Variants in SUSD5 observed in about 807,000 individuals in gnomAD.
The protein encoded by SUSD5 is sushi domain-containing protein 5.
A neutral mutation model predicts 29.5 loss-of-function variants in SUSD5; 33 were observed. That is an observed-to-expected ratio of 1.12 (90% CI 0.85 to 1.49). SUSD5 has a LOEUF of 1.49. Ranked by LOEUF, SUSD5 falls within the 40% of genes most tolerant of loss-of-function variation. The pLI, the probability that SUSD5 is intolerant of heterozygous loss-of-function variation, is 0.00. For missense variants in SUSD5, 776 were observed against 800.6 expected, an observed-to-expected ratio of 0.97 and a Z score of 0.37; for synonymous variants, 308 against 325.3, an observed-to-expected ratio of 0.95 and a Z score of 0.57.
Position 33,214,060 on chromosome 3 carries a change from T to C in SUSD5, c.158A>G (p.Gln53Arg), listed in dbSNP as rs1419651394. ...LESQNGSQGL[Q>R]LEAARLSCKS... ...GCAGGAAAGCCGAGCAGCCTCCAGT[T>C]GTAGGCCCTGAGAGCCATTCTGAGA... is the stretch of plus-strand genomic sequence containing the variant. The change falls in exon 2 of 5, where the codon CAA (glutamine) becomes CGA (arginine). Residue 53 changes from glutamine to arginine, a missense_variant. By Grantham distance (43) the Gln-to-Arg change is conservative. Transcript: ENST00000309558. 6.2e-7 allele frequency: 1 copy of C among 1,613,350 alleles called. No homozygotes were observed. Among genetic ancestry groups the C allele is most frequent in the East Asian group, 2.2e-5 (1 of 44,858 alleles).
chr3:33,213,839 G>C, intron 2 of SUSD5, 89 bp downstream of exon 2: 1 of 1,374,086 alleles, frequency 7.3e-7, no homozygotes, highest in Non-Finnish European at 9.9e-7. Flanking sequence ...CTGCCTGTAT[G>C]GTACCTCAAC....
intron 2 of SUSD5, 52 bp downstream of exon 2, chr3:33,213,876 C>A: frequency 2.6e-6 from 4 of 1,544,048 alleles, no homozygotes; most frequent in Non-Finnish European, 3.5e-6. Flanking sequence ...CCTATATAAG[C>A]CTTGGTGGTG....
In SUSD5 at chr3:33,153,513, G is replaced by A. The variant is rs1196936243; in HGVS notation, c.1119C>T (p.Gly373=). 1.2e-6 allele frequency: 2 copies of A among 1,613,984 alleles called. No homozygotes were observed. The highest frequency in any genetic ancestry group is 1.7e-6 in the Non-Finnish European group (2 of 1,179,962). The part of the protein sequence containing the change: ...VSSSDESWLD[G]YPVTEGAWRK... ...TCCAAGCCCCCTCTGTCACAGGGTA[G>A]CCATCTAACCAGGACTCATCACTGC... Residue 373 remains glycine (G), a synonymous_variant, in exon 5 of 5, where the codon GGC becomes GGT. Coordinates refer to ENST00000309558, the MANE Select transcript of SUSD5 (RefSeq NM_015551.2).
In SUSD5 at chr3:33,150,288, T is replaced by A. The variant is rs1190420889; in HGVS notation, c.*2454A>T. The A allele has an allele frequency of 1.3e-5, 2 of 152,030 alleles. No homozygotes were observed. Among genetic ancestry groups the A allele is most frequent in the African/African-American group, 4.8e-5 (2 of 41,396 alleles). The allele number at this position is 152,030 out of a possible 1,614,324, so 9.4% of individuals were successfully genotyped here. ...TGTTGGGTTTATTTCACAGTCCATG[T>A]CTACAAATAAAACATTTACCTGTAT... On this transcript the variant is annotated 3_prime_UTR_variant, in exon 5 of 5. Coordinates refer to ENST00000309558, the MANE Select transcript of SUSD5 (RefSeq NM_015551.2).
chr3:33,206,679 T>A (rs2032227088), intron 3 of SUSD5, among the ~76,000 whole-genome samples: 1 of 152,096 alleles, frequency 6.6e-6, no homozygotes, highest in South Asian at 2.1e-4. Flanking sequence ...CTCTGATCCC[T>A]TTCCTGGAGA....
At chr3:33,164,969 A>AACAC (rs34551240) in intron 4 of SUSD5, among the ~76,000 whole-genome samples, 3,313 of 147,112 alleles carry the variant, frequency 0.023, 53 homozygotes, top group East Asian at 0.042. Flanking sequence ...ACTAAAGTTG[A>AACAC]ACACACACAC....
intron 4 of SUSD5, among the ~76,000 whole-genome samples, chr3:33,173,585 C>T (rs1235878781): frequency 6.6e-6 from 1 of 152,224 alleles, no homozygotes; most frequent in Non-Finnish European, 1.5e-5. Context: ...GTGAATGAAT[C>T]TCACAGGTGT....
At chr3:33,170,502 G>A (rs2031401397) in intron 4 of SUSD5, among the ~76,000 whole-genome samples, 1 of 152,212 alleles carries the variant, frequency 6.6e-6, no homozygotes, top group East Asian at 1.9e-4. Flanking sequence ...GTGCTTAAGT[G>A]AGAGACTGCA....
chr3:33,181,070 ATG>A (rs1164720009), intron 3 of SUSD5, among the ~76,000 whole-genome samples: 1 of 151,722 alleles, frequency 6.6e-6, no homozygotes, highest in Non-Finnish European at 1.5e-5. Flanking sequence ...CAGTTGTACA[ATG>A]TGTTTTTAAG....
chr3:33,159,409 C>T (rs1055061182), intron 4 of SUSD5, among the ~76,000 whole-genome samples: 1 of 152,184 alleles, frequency 6.6e-6, no homozygotes, highest in African/African-American at 2.4e-5. Flanking sequence ...CCGGCTTCTT[C>T]CCTGTCTCTT....
At chr3:33,211,269 C>T (rs1395270869) in intron 2 of SUSD5, among the ~76,000 whole-genome samples, 1 of 152,140 alleles carries the variant, frequency 6.6e-6, no homozygotes, top group East Asian at 1.9e-4. Flanking sequence ...TTATAGTAAA[C>T]CTACAGAAGA....
At chr3:33,172,342 C>T (rs2031444727) in intron 4 of SUSD5, among the ~76,000 whole-genome samples, 1 of 152,312 alleles carries the variant, frequency 6.6e-6, no homozygotes, top group Middle Eastern at 3.4e-3. Context: ...GCTTTAACAA[C>T]TGCATTGCAG....
intron 4 of SUSD5, among the ~76,000 whole-genome samples, chr3:33,173,219 C>T: frequency 6.6e-6 from 1 of 152,208 alleles, no homozygotes; most frequent in East Asian, 1.9e-4. Context: ...ACCAGACTGG[C>T]AGTCCTAAAG....
At chr3:33,179,670 T>C (rs1157350279) in intron 3 of SUSD5, among the ~76,000 whole-genome samples, 1 of 152,228 alleles carries the variant, frequency 6.6e-6, no homozygotes, top group Non-Finnish European at 1.5e-5. Flanking sequence ...GGGTTTCATT[T>C]TCAATATTAG....
chr3:33,153,891 C>A lies in SUSD5; in HGVS notation c.741G>T (p.Gln247His). ...CCACAGAAATGGAGACCAGACGGTC[C>A]TGTTTTGGAGCCTCCTCAGAGGAGT... is the stretch of plus-strand genomic sequence containing the variant. The part of the protein sequence containing the change: ...QGDSSEEAPK[Q>H]DRLVSISVGR... The change falls in exon 5 of 5, where the codon CAG (glutamine) becomes CAT (histidine). Residue 247 changes from glutamine (Q) to histidine (H), a missense_variant. By Grantham distance (24) the Gln-to-His change is conservative. Transcript: ENST00000309558. The A allele has an allele frequency of 6.2e-7, 1 of 1,614,030 alleles. No homozygotes were observed.
In SUSD5 at chr3:33,151,066, A is replaced by C. The variant is rs906404536; in HGVS notation, c.*1676T>G. The C allele has an allele frequency of 1.3e-5, 2 of 152,266 alleles. No homozygotes were observed. Among genetic ancestry groups the C allele is most frequent in the Non-Finnish European group, 2.9e-5 (2 of 68,030 alleles). 9.4% of individuals were successfully genotyped at this position (152,266 alleles called of 1,614,324 possible). A position where few individuals can be genotyped will look rare whatever the true frequency, so the allele number is the denominator to read the frequency against. ...ACACAGCCATGCCTGACTTCCACAC[A>C]ACACACACCACATACTCATCTGTGC... On this transcript the variant is annotated 3_prime_UTR_variant, in exon 5 of 5. Coordinates refer to ENST00000309558, the MANE Select transcript of SUSD5 (RefSeq NM_015551.2).
rs770492194 is a variant in SUSD5 at position 33,153,856 on chromosome 3, T to C, written c.776A>G (p.Asn259Ser). 2 of 1,613,946 alleles carry C rather than the reference T, an allele frequency of 1.2e-6. No individual in the cohort carries two copies. The highest frequency in any genetic ancestry group is 1.7e-6 in the Non-Finnish European group (2 of 1,179,860). Residue 259 changes from asparagine (N) to serine (S), a missense_variant, in exon 5 of 5, where the codon AAC (asparagine) becomes AGC (serine). By Grantham distance (46) the Asn-to-Ser change is conservative. Transcript: ENST00000309558. ...CACAAAGACTTTATCCCGGGCTATG[T>C]TTTCTCTCCCCACAGAAATGGAGAC... ...RLVSISVGRE[N>S]IARDKVFVPT... is the part of the protein sequence containing the mutation.
intron 2 of SUSD5, among the ~76,000 whole-genome samples, chr3:33,211,052 T>A (rs1417564171): frequency 1.3e-5 from 2 of 152,066 alleles, no homozygotes; most frequent in South Asian, 2.1e-4. Flanking sequence ...TTTTGTATTT[T>A]TTTATTTATT....
Position 33,154,040 on chromosome 3 carries a change from G to A in SUSD5, c.599-7C>T, listed in dbSNP as rs1170439296. On this transcript the variant is annotated splice_polypyrimidine_tract_variant and splice_region_variant and intron_variant, in intron 4 of 4. Coordinates refer to ENST00000309558, the MANE Select transcript of SUSD5 (RefSeq NM_015551.2). ...ATGTGTGCCTCAGCCTCATCTGGAA[G>A]AAAAGAGGGAAAAAACCTCATTAGC... is the stretch of plus-strand genomic sequence containing the variant. 1 of 1,559,150 alleles carries A rather than the reference G, an allele frequency of 6.4e-7. No homozygotes were observed.
Sources: gnomAD v4.1 joint callset for allele counts (sites outside exome capture counted in the v4.1 genomes callset) on GRCh38, gnomAD v4.1.1 for gene constraint, MANE v1.5 for transcripts, NCBI Gene and HGNC (gene_info 2026-07-23, HGNC 2026-07-21) for gene names.